Variants in CES5A observed in about 807,000 individuals in gnomAD.
CES5A encodes carboxylesterase 5A.
In CES5A, 67 loss-of-function variants were observed where a neutral mutation model predicts 62.9. That is an observed-to-expected ratio of 1.07 (90% CI 0.88 to 1.31). The LOEUF is 1.31. Ranked by LOEUF, CES5A falls within the 50% of genes most tolerant of loss-of-function variation. The pLI, the probability that CES5A is intolerant of heterozygous loss-of-function variation, is 0.00. For synonymous variants in CES5A, 296 were observed against 280.8 expected (o/e 1.05, Z -0.54); for missense variants, 748 against 708.5 (o/e 1.06, Z -0.63).
At chr16:55,925,682 A>G (rs1261235166), upstream of CES5A, among the ~76,000 whole-genome samples, 1 of 152,188 alleles carries the variant, frequency 6.6e-6, no homozygotes, top group Non-Finnish European at 1.5e-5. Context: ...TCTTTCAGCC[A>G]TAAGAATGAA....
chr16:55,955,292 A>G (rs1468526943), intron 1 of CES5A, among the ~76,000 whole-genome samples: 1 of 152,226 alleles, frequency 6.6e-6, no homozygotes, highest in Non-Finnish European at 1.5e-5. Flanking sequence ...GAGTCAAAAA[A>G]AAATTTTTTT....
rs758061110 is a variant in CES5A at position 55,847,320 on chromosome 16, CTCTT to C, written c.1424-484_1424-481del. Among the ~76,000 whole-genome samples, 414 of 151,214 alleles carry C rather than the reference CTCTT, an allele frequency of 2.7e-3. 2 individuals carry two copies. Among genetic ancestry groups the C allele is most frequent in the Middle Eastern group, 6.8e-3 (2 of 292 alleles). On this transcript the variant is annotated intron_variant, in intron 11 of 12. Transcript: ENST00000290567. ...CTTTCTCCCTCTCTCTCTCCCTTCT[CTCTT>C]TCTTCCCTCTCTCTGTTCCTTCTCT...
chr16:55,887,704 C>A (rs963397102), intron 1 of CES5A, among the ~76,000 whole-genome samples: 1 of 152,082 alleles, frequency 6.6e-6, no homozygotes, highest in East Asian at 1.9e-4. Flanking sequence ...CTAAGTGGAG[C>A]AAGGAGTGGA....
chr16:55,871,456 G>A (rs533179495), intron 3 of CES5A, among the ~76,000 whole-genome samples, 169 bp downstream of exon 3: 36 of 152,304 alleles, frequency 2.4e-4, no homozygotes, highest in African/African-American at 8.4e-4. Context: ...CAGAAAAACT[G>A]ATCATGTGAA....
rs1343059120 is a variant in CES5A at position 55,946,766 on chromosome 16, A to C, written c.160+3019T>G. Reference sequence around the variant, plus strand: ...CATACATATGTGGGTTAACGGGGGCAGCTCTGCTGATCTCACTTGGGCTCA... The same window carrying C: ...CATACATATGTGGGTTAACGGGGGCCGCTCTGCTGATCTCACTTGGGCTCA... On this transcript the variant is annotated intron_variant, in intron 2 of 13. Coordinates refer to the CES5A transcript ENST00000521992. 2.0e-5 allele frequency among the ~76,000 whole-genome samples: 3 copies of C among 152,236 alleles called. 1 individual carries two copies. The highest frequency in any genetic ancestry group is 7.2e-5 in the African/African-American group (3 of 41,468).
intron 8 of CES5A, among the ~76,000 whole-genome samples, chr16:55,857,441 G>A (rs1206586969): frequency 6.6e-6 from 1 of 152,160 alleles, no homozygotes; most frequent in Non-Finnish European, 1.5e-5. Flanking sequence ...TTCTTGGTAT[G>A]TTTTCTGCTG....
chr16:55,905,701 A>G (rs1013113749), intron 1 of CES5A, among the ~76,000 whole-genome samples: 3 of 152,082 alleles, frequency 2.0e-5, no homozygotes, highest in Non-Finnish European at 4.4e-5. Flanking sequence ...CCACGCCCAG[A>G]GCAAGCCCCA....
intron 1 of CES5A, among the ~76,000 whole-genome samples, chr16:55,919,810 G>A (rs1163903976): frequency 6.6e-6 from 1 of 152,204 alleles, no homozygotes; most frequent in African/African-American, 2.4e-5. Context: ...AATAATCATA[G>A]CTGGCACATT....
chr16:55,873,222 C>G (rs1039393545), intron 2 of CES5A, among the ~76,000 whole-genome samples: 4 of 152,168 alleles, frequency 2.6e-5, no homozygotes, highest in African/African-American at 9.7e-5. Context: ...GGTTACCTAA[C>G]CGAGCTTGGA....
At chr16:55,860,447 G>T (rs1327436707) in intron 7 of CES5A, among the ~76,000 whole-genome samples, 2 of 136,518 alleles carry the variant, frequency 1.5e-5, no homozygotes, top group African/African-American at 3.2e-5. Context: ...AAACTCTGGG[G>T]TTGGGGTGTA....
chr16:55,936,093 T>C (rs2142473749), intron 2 of CES5A, among the ~76,000 whole-genome samples: 1 of 152,280 alleles, frequency 6.6e-6, no homozygotes, highest in African/African-American at 2.4e-5. Context: ...CGGCATTCTC[T>C]GATGTGGTGC....
rs371673570 is a variant in CES5A at position 55,901,933 on chromosome 16, G to A, written c.-256+23390C>T. ...TTAGCACGTGGTTTAGCAGCCAGCAGCAGCCAAAATTCCTCATCCTTGTTC... is the reference window on the plus strand; with the variant it reads ...TTAGCACGTGGTTTAGCAGCCAGCAACAGCCAAAATTCCTCATCCTTGTTC... On this transcript the variant is annotated intron_variant, in intron 1 of 12. Coordinates refer to the CES5A transcript ENST00000518005. 2.6e-5 allele frequency among the ~76,000 whole-genome samples: 4 copies of A among 152,184 alleles called. No individual in the cohort carries two copies. The East Asian group carries it at 5.8e-4, about 22-fold the overall frequency.
chr16:55,846,890 G>C (rs76427577), intron 11 of CES5A, 50 bp from the exon 12 acceptor site: 1 of 1,471,836 alleles, frequency 6.8e-7, no homozygotes. Flanking sequence ...GGCTCGGGAA[G>C]CCCCGGGTGC....
intron 1 of CES5A, among the ~76,000 whole-genome samples, chr16:55,898,662 T>C (rs2033958726): frequency 6.6e-6 from 1 of 151,998 alleles, no homozygotes; most frequent in African/African-American, 2.4e-5. Context: ...GGAAAAAAGG[T>C]TTCATCCTCA....
At chr16:55,861,309 T>C in intron 7 of CES5A, 103 bp downstream of exon 7, 1 of 685,338 alleles carries the variant, frequency 1.5e-6, no homozygotes, top group Admixed American at 2.6e-5. Flanking sequence ...AATCCTCCTC[T>C]TTTCTATGTT....
chr16:55,875,853 C>T (rs2033685875), upstream of CES5A, among the ~76,000 whole-genome samples: 1 of 152,182 alleles, frequency 6.6e-6, no homozygotes, highest in African/African-American at 2.4e-5. Context: ...AAATCTGTCC[C>T]TTCATCTGAC....
In CES5A at chr16:55,873,813, G is replaced by A. The variant is rs1456299763; in HGVS notation, c.278+20C>T. 2 of 1,602,224 alleles carry A rather than the reference G, an allele frequency of 1.2e-6. No homozygotes were observed. Among genetic ancestry groups the A allele is most frequent in the African/African-American group, 2.7e-5 (2 of 74,910 alleles). ...ACTCCCAGAGTCACAAACCACCCGT[G>A]GGCCCGAACCTGGTCTTACAAATTA... On this transcript the variant is annotated intron_variant, in intron 2 of 12. Transcript: ENST00000290567.
At chr16:55,905,684 C>T (rs2034034044) in intron 1 of CES5A, among the ~76,000 whole-genome samples, 1 of 152,254 alleles carries the variant, frequency 6.6e-6, no homozygotes, top group African/African-American at 2.4e-5. Context: ...TAACGTGACT[C>T]TTCCTCCCAC....
chr16:55,929,133 T>C (rs78438796), upstream of CES5A, among the ~76,000 whole-genome samples: 1,193 of 152,316 alleles, frequency 7.8e-3, 17 homozygotes, highest in African/African-American at 0.026. Flanking sequence ...AGGGCTCACC[T>C]GGAGGTGAGC....
Sources: allele counts gnomAD v4.1 joint callset (sites outside exome capture counted in the v4.1 genomes callset), GRCh38; gene constraint gnomAD v4.1.1; transcripts MANE v1.5; gene names NCBI Gene and HGNC (gene_info 2026-07-23, HGNC 2026-07-21).